The following CUL7 variants were observed in gnomAD, a reference collection of about 807,000 sequenced individuals.
CUL7 encodes cullin 7.
Under a neutral mutation model 177.7 loss-of-function variants are expected in CUL7, and 96 were observed. That is an observed-to-expected ratio of 0.54 (90% CI 0.46 to 0.64). The LOEUF is 0.64. Ranked by LOEUF, CUL7 falls within the 30% of genes least tolerant of loss-of-function variation. The probability of loss-of-function intolerance (pLI) is 0.00; values close to 1 mark genes in which losing one functional copy is unlikely to be tolerated. For synonymous variants in CUL7, 824 were observed against 890.2 expected, an observed-to-expected ratio of 0.93 and a Z score of 1.32; for missense variants, 1,893 against 2,187.9, an observed-to-expected ratio of 0.87 and a Z score of 2.69.
Position 43,052,256 on chromosome 6 carries a change from C to T in CUL7, c.533G>A (p.Arg178His), listed in dbSNP as rs183865568. The change falls in exon 2 of 26, where the codon CGC becomes CAC. Residue 178 changes from arginine (R) to histidine (H), a missense_variant. Around this residue, in one of 5 missense-constraint regions of CUL7, gnomAD observed 653 missense variants for 725.2 expected, o/e 0.90. Transcript: ENST00000265348. This position sits in a 1 kb window ranked among gnomAD's most constrained non-coding sequence, Gnocchi z 4.5. ...TTGTATCATCCGGCCTGCACTCCAG[C>T]GAATCTGATAATCAGGACTACTCAA... ...HMLSSPDYQI[R>H]WSAGRMIQAL... The T allele has an allele frequency of 4.3e-6, 7 of 1,614,214 alleles. No homozygotes were observed. In the East Asian group the frequency reaches 6.7e-5, roughly 15 times the overall value.
chr6:43,046,438 C>T lies in CUL7; in HGVS notation c.2489-31G>A, dbSNP rs770572901. ...GGCAAGTGGGAAGGGGTGGTGGTCACGGTCAGGTAGGGTGTAGAGGGGAAA... is the reference window on the plus strand; with the variant it reads ...GGCAAGTGGGAAGGGGTGGTGGTCATGGTCAGGTAGGGTGTAGAGGGGAAA... On this transcript the variant is annotated intron_variant, in intron 11 of 25. Coordinates refer to ENST00000265348, the MANE Select transcript of CUL7 (RefSeq NM_014780.5). 45 of 1,614,090 alleles carry T rather than the reference C, an allele frequency of 2.8e-5. No individual in the cohort carries two copies. The South Asian group carries it at 3.6e-4, about 13-fold the overall frequency.
Position 43,051,160 on chromosome 6 carries a change from A to G in CUL7, c.1041T>C (p.Ala347=). 6.2e-7 allele frequency: 1 copy of G among 1,614,198 alleles called. No homozygotes were observed. Among genetic ancestry groups the G allele is most frequent in the East Asian group, 2.2e-5 (1 of 44,880 alleles). The change falls in exon 4 of 26, where the codon GCT becomes GCC. Residue 347 remains alanine, a synonymous_variant. Transcript: ENST00000265348. The surrounding 1 kb of genome is among the most constrained non-coding windows in gnomAD (Gnocchi z 5.0). ...DVSPGLPAAQ[A]QPSFRRSRRF... ...GTCTTGACCTCCTGAAGGAGGGCTG[A>G]GCCTGGGCAGCGGGGAGCCCTGGGC...
In CUL7 at chr6:43,053,053, A is replaced by G. The variant is rs1393477556; in HGVS notation, c.-8-257T>C. On this transcript the variant is annotated intron_variant, in intron 1 of 25. Transcript: ENST00000265348. This position sits in a 1 kb window ranked among gnomAD's most constrained non-coding sequence, Gnocchi z 4.1. ...AGACCCTGTGGCCTGGAGTGGGTTG[A>G]TATGGAACAGTGGGCGGACTAGTGG... is the stretch of plus-strand genomic sequence containing the variant. 6.6e-6 allele frequency among the ~76,000 whole-genome samples: 1 copy of G among 152,102 alleles called. No individual in the cohort carries two copies. Among genetic ancestry groups the G allele is most frequent in the East Asian group, 1.9e-4 (1 of 5,188 alleles).
In CUL7 at chr6:43,052,584, T is replaced by C. The variant is rs1341189048; in HGVS notation, c.205A>G (p.Met69Val). 4.6e-5 allele frequency: 75 copies of C among 1,614,106 alleles called. No individual in the cohort carries two copies. The highest frequency in any genetic ancestry group is 6.4e-5 in the Non-Finnish European group (75 of 1,180,042). ...DCKAEHILLWMSKDEIYANCH... is the reference protein window; with the variant it reads ...DCKAEHILLWVSKDEIYANCH... ...TTGGCATAGATCTCATCCTTGGACA[T>C]CCACAGCAGGATGTGCTCAGCCTTG... Residue 69 changes from methionine to valine, a missense_variant, in exon 2 of 26, where the codon ATG (methionine) becomes GTG (valine). Met to Val is a conservative substitution (Grantham distance 21). Around this residue, in one of 5 missense-constraint regions of CUL7, gnomAD observed 653 missense variants for 725.2 expected, o/e 0.90. Coordinates refer to ENST00000265348, the MANE Select transcript of CUL7 (RefSeq NM_014780.5). The surrounding 1 kb of genome is among the most constrained non-coding windows in gnomAD (Gnocchi z 4.5).
At position 43,038,914 on chromosome 6, in the gene CUL7, C is replaced by G; in HGVS notation, c.4368G>C (p.Leu1456=). 6.2e-7 allele frequency: 1 copy of G among 1,614,030 alleles called. No individual in the cohort carries two copies. The highest frequency in any genetic ancestry group is 1.1e-5 in the South Asian group (1 of 91,076). The change falls in exon 23 of 26, where the codon CTG becomes CTC. Residue 1456 remains leucine (L), a synonymous_variant. Transcript: ENST00000265348. The stretch of plus-strand genomic sequence containing the variant: ...CATGCAGGGTCTGGTTCCCAAACTG[C>G]AGCTCAGCCCAGCCCAGCCACGTCC... ...LQWTWLGWAE[L]QFGNQTLHVS... is the part of the protein sequence containing the mutation.
In CUL7 at chr6:43,046,343, G is replaced by A. The variant is rs868216635; in HGVS notation, c.2553C>T (p.His851=). 1 of 1,614,216 alleles carries A rather than the reference G, an allele frequency of 6.2e-7. No homozygotes were observed. Residue 851 remains histidine, a synonymous_variant, in exon 12 of 26, where the codon CAC becomes CAT. Transcript: ENST00000265348. The part of the protein sequence containing the change: ...WEKVEVSSNP[H]RASKLTDHNP... ...TGTGGTCCGTCAGCTTGCTGGCCCGGTGCGGGTTGGAGGACACCTCCACCT... is the reference window on the plus strand; with the variant it reads ...TGTGGTCCGTCAGCTTGCTGGCCCGATGCGGGTTGGAGGACACCTCCACCT...
rs1360845506 is a variant in CUL7, at chr6:43,042,992, G to C, written c.3463-8C>G. 1.2e-6 allele frequency: 2 copies of C among 1,614,124 alleles called. No individual in the cohort carries two copies. The highest frequency in any genetic ancestry group is 1.7e-6 in the Non-Finnish European group (2 of 1,180,002). ...GGTCAGAAAATTGTTCACCTGGAAG[G>C]AAGGGGCAGGAGCATGAAGACACAA... On this transcript the variant is annotated splice_region_variant and splice_polypyrimidine_tract_variant and intron_variant, in intron 18 of 25. Transcript: ENST00000265348.
chr6:43,043,643 A>G lies in CUL7; in HGVS notation c.3173-13T>C. 1 of 1,575,786 alleles carries G rather than the reference A, an allele frequency of 6.3e-7. No homozygotes were observed. The highest frequency in any genetic ancestry group is 2.3e-5 in the East Asian group (1 of 43,954). The stretch of plus-strand genomic sequence containing the variant: ...ATGCCATCCTCATCTAGAGGGTGAG[A>G]TAAACAAACCAAGGCACAGCCATGT... On this transcript the variant is annotated splice_polypyrimidine_tract_variant and intron_variant, in intron 16 of 25. Coordinates refer to ENST00000265348, the MANE Select transcript of CUL7 (RefSeq NM_014780.5). The surrounding 1 kb of genome is among the most constrained non-coding windows in gnomAD (Gnocchi z 4.2).
rs1463633715 is a variant in CUL7, at chr6:43,047,004, G to C, written c.2273C>G (p.Ala758Gly). 1 of 1,612,332 alleles carries C rather than the reference G, an allele frequency of 6.2e-7. No individual in the cohort carries two copies. The highest frequency in any genetic ancestry group is 1.1e-5 in the South Asian group (1 of 91,040). Reference protein sequence around the residue: ...QLGARDAISKALEKHLGKLEL... With the variant: ...QLGARDAISKGLEKHLGKLEL... ...CAGCTTTCCCAGGTGCTTTTCCAGGGCCTTGGAGATAGCGTCTCTTGCTCC... is the reference window on the plus strand; with the variant it reads ...CAGCTTTCCCAGGTGCTTTTCCAGGCCCTTGGAGATAGCGTCTCTTGCTCC... Residue 758 changes from alanine (A) to glycine (G), a missense_variant, in exon 10 of 26, where the codon GCC becomes GGC. Transcript: ENST00000265348.
rs1358480346 is a variant in CUL7 at position 43,053,850 on chromosome 6, A to C, written c.-237T>G. On this transcript the variant is annotated 5_prime_UTR_variant, in exon 1 of 26. Coordinates refer to ENST00000265348, the MANE Select transcript of CUL7 (RefSeq NM_014780.5). This position sits in a 1 kb window ranked among gnomAD's most constrained non-coding sequence, Gnocchi z 4.1. ...CCAGCGGCTCCGCCAGCCAAAAGCC[A>C]CGGCTCATTTCCGCCCGACCCAGCG... is the stretch of plus-strand genomic sequence containing the variant. 1.3e-6 allele frequency: 2 copies of C among 1,532,994 alleles called. No individual in the cohort carries two copies. Among genetic ancestry groups the C allele is most frequent in the Non-Finnish European group, 1.7e-6 (2 of 1,146,360 alleles). 95.0% of individuals were successfully genotyped at this position (1,532,994 alleles called of 1,614,324 possible).
At chr6:43,046,708 A>G (rs894443185) in intron 10 of CUL7, 107 bp from the exon 11 acceptor site, 8 of 1,522,242 alleles carry the variant, frequency 5.3e-6, no homozygotes, top group East Asian at 4.6e-5. Context: ...GACTTCCTCT[A>G]CAGCACCAGC....
chr6:43,043,673 A>C lies in CUL7; in HGVS notation c.3173-43T>G. On this transcript the variant is annotated intron_variant, in intron 16 of 25. Coordinates refer to ENST00000265348, the MANE Select transcript of CUL7 (RefSeq NM_014780.5). This position sits in a 1 kb window ranked among gnomAD's most constrained non-coding sequence, Gnocchi z 4.2. ...CAAACCAAGGCACAGCCATGTCTGC[A>C]GGGAAGTGGGAGTGGTTGGGCTGAA... 2 of 1,373,258 alleles carry C rather than the reference A, an allele frequency of 1.5e-6. No homozygotes were observed. The highest frequency in any genetic ancestry group is 2.0e-6 in the Non-Finnish European group (2 of 979,490). 85.1% of individuals were successfully genotyped at this position (1,373,258 alleles called of 1,614,324 possible).
In CUL7 at chr6:43,038,263, C is replaced by G. The variant is rs766083651; in HGVS notation, c.4773+4G>C. 1.2e-6 allele frequency: 2 copies of G among 1,614,128 alleles called. No homozygotes were observed. The highest frequency in any genetic ancestry group is 3.3e-5 in the Admixed American group (2 of 59,996). On this transcript the variant is annotated splice_donor_region_variant and intron_variant, in intron 25 of 25. Coordinates refer to ENST00000265348, the MANE Select transcript of CUL7 (RefSeq NM_014780.5). ...TGTCACCCATTGTGCCCACCCCTGC[C>G]TACCAGACAGACAAGCTGGTCAATG...
chr6:43,041,185 G>C, intron 19 of CUL7, 110 bp from the exon 20 acceptor site: 2 of 1,015,508 alleles, frequency 2.0e-6, no homozygotes, highest in Non-Finnish European at 3.0e-6. Context: ...AGCTTTCTAA[G>C]GTGGTTGGTG....
intron 15 of CUL7, 26 bp from the exon 16 acceptor site, chr6:43,044,911 G>C: frequency 6.2e-7 from 1 of 1,608,722 alleles, no homozygotes; most frequent in Non-Finnish European, 8.5e-7. Context: ...GAGGAGGAAG[G>C]TGTCAGGGGC....
At chr6:43,047,876 C>T in intron 9 of CUL7, 1 of 504,114 alleles carries the variant, frequency 2.0e-6, no homozygotes, top group Non-Finnish European at 3.5e-6. Flanking sequence ...CAAGTAGTTA[C>T]CAGTAAGGGG....
chr6:43,046,912 G>A lies in CUL7; in HGVS notation c.2365C>T (p.Leu789Phe). 1 of 1,611,468 alleles carries A rather than the reference G, an allele frequency of 6.2e-7. No individual in the cohort carries two copies. The highest frequency in any genetic ancestry group is 8.5e-7 in the Non-Finnish European group (1 of 1,177,580). The change falls in exon 10 of 26, where the codon CTC (leucine) becomes TTC (phenylalanine). Residue 789 changes from leucine (L) to phenylalanine (F), a missense_variant. Leu to Phe is a conservative substitution (Grantham distance 22). Coordinates refer to ENST00000265348, the MANE Select transcript of CUL7 (RefSeq NM_014780.5). ...CEKHAHLYRKLITNILGGCIQ... is the reference protein window; with the variant it reads ...CEKHAHLYRKFITNILGGCIQ... ...CAGCCTCCCAGGATGTTGGTGATGA[G>A]TTTGCGGTAGAGGTGGGCATGCTTC...
Position 43,040,977 on chromosome 6 carries a change from G to T in CUL7, c.3744C>A (p.Cys1248Ter), listed in dbSNP as rs1763367235. Residue 1248 changes from cysteine (C) to a stop codon, truncating the protein, a stop_gained, in exon 20 of 26, where the codon TGC (cysteine) becomes TGA (stop). Transcript: ENST00000265348. LOFTEE classifies it high-confidence loss of function. The surrounding 1 kb of genome is among the most constrained non-coding windows in gnomAD (Gnocchi z 4.2). The part of the protein sequence containing the change: ...EMERLAQLQQ[C>*]LQAVLIFSGL... ...CGGAGAAAATCAGGACAGCTTGCAG[G>T]CATTGCTGCAGCTGTGCCAGCCTCT... 1 of 1,613,050 alleles carries T rather than the reference G, an allele frequency of 6.2e-7. No homozygotes were observed. Among genetic ancestry groups the T allele is most frequent in the African/African-American group, 1.3e-5 (1 of 74,910 alleles).
At position 43,046,869 on chromosome 6, in the gene CUL7, T is replaced by C. The variant is rs924461602; in HGVS notation, c.2397+11A>G. 3.9e-6 allele frequency: 6 copies of C among 1,543,498 alleles called. No homozygotes were observed. The African/African-American group carries it at 8.2e-5, about 21-fold the overall frequency. On this transcript the variant is annotated intron_variant, in intron 10 of 25. Transcript: ENST00000265348. ...GCCACTCTAAGCCCACAAGCTCCCC[T>C]TCCTCCTGACCTGGATGCAGCCTCC...
Sources: gnomAD v4.1 joint callset for allele counts (sites outside exome capture counted in the v4.1 genomes callset) on GRCh38, gnomAD v4.1.1 for gene constraint, gnomAD v4.1.1 regional missense constraint, Gnocchi (gnomAD v3.1) non-coding constraint, MANE v1.5 for transcripts, NCBI Gene and HGNC (gene_info 2026-07-23, HGNC 2026-07-21) for gene names.